Variants in ARHGAP32 observed in about 807,000 individuals in gnomAD.
ARHGAP32 encodes the protein rho GTPase-activating protein 32.
ARHGAP32 carries 51 observed loss-of-function variants against 186.5 expected under a neutral mutation model. That is an observed-to-expected ratio of 0.27 (90% CI 0.22 to 0.35). ARHGAP32 has a LOEUF of 0.35. Ranked by LOEUF, ARHGAP32 falls within the 10% of genes least tolerant of loss-of-function variation. The probability of loss-of-function intolerance (pLI) is 1.00; values close to 1 mark genes in which losing one functional copy is unlikely to be tolerated. For missense variants in ARHGAP32, 2,186 were observed against 2,623.5 expected, an observed-to-expected ratio of 0.83 and a Z score of 3.64; for synonymous variants, 950 against 964.3, an observed-to-expected ratio of 0.99 and a Z score of 0.27.
At chr11:129,021,489 A>G (rs1314228701) in intron 11 of ARHGAP32, among the ~76,000 whole-genome samples, 1 of 152,100 alleles carries the variant, frequency 6.6e-6, no homozygotes, top group Non-Finnish European at 1.5e-5. Context: ...AACTGTTACA[A>G]CACAGAACCT....
chr11:129,177,340 C>A (rs1857485810), intron 1 of ARHGAP32, among the ~76,000 whole-genome samples: 1 of 152,100 alleles, frequency 6.6e-6, no homozygotes, highest in South Asian at 2.1e-4. Context: ...GGATTCACAG[C>A]CGAATTCTAC....
intron 11 of ARHGAP32, among the ~76,000 whole-genome samples, chr11:129,038,880 C>CCTGT: frequency 7.7e-6 from 1 of 130,172 alleles, no homozygotes; most frequent in East Asian, 2.1e-4. Flanking sequence ...AAAGAAAGAC[C>CCTGT]CTGTCTCGAA....
intron 2 of ARHGAP32, chr11:129,125,832 G>T: frequency 2.4e-6 from 1 of 409,844 alleles, no homozygotes; most frequent in Admixed American, 3.2e-5. Flanking sequence ...CTATTTATAA[G>T]GGTTGGTATT....
chr11:129,003,935 T>C (rs1937633332), intron 11 of ARHGAP32, among the ~76,000 whole-genome samples: 1 of 152,152 alleles, frequency 6.6e-6, no homozygotes, highest in Non-Finnish European at 1.5e-5. Context: ...GGTTTATTCT[T>C]GCTTTTCTAA....
rs1181279218 is a variant in ARHGAP32, at chr11:128,966,754, T to G, written c.*2153A>C. ...TCAGTTACTTAAAGCCGTGTGTATC[T>G]CCTGGTCACAGCAGCCCCTCTTCCT... On this transcript the variant is annotated 3_prime_UTR_variant, in exon 23 of 23. Transcript: ENST00000682385. 1 of 152,224 alleles carries G rather than the reference T, an allele frequency of 6.6e-6. No individual in the cohort carries two copies. The highest frequency in any genetic ancestry group is 1.5e-5 in the Non-Finnish European group (1 of 68,042). 9.4% of individuals were successfully genotyped at this position (152,224 alleles called of 1,614,324 possible). A position where few individuals can be genotyped will look rare whatever the true frequency, so the allele number is the denominator to read the frequency against.
intron 11 of ARHGAP32, among the ~76,000 whole-genome samples, chr11:129,024,841 A>T (rs1938762346): frequency 6.6e-6 from 1 of 152,174 alleles, no homozygotes; most frequent in South Asian, 2.1e-4. Context: ...TCAAACTGAC[A>T]ATCAATCTCA....
chr11:129,046,471 T>C (rs1939810942), intron 10 of ARHGAP32, among the ~76,000 whole-genome samples: 1 of 152,184 alleles, frequency 6.6e-6, no homozygotes, highest in African/African-American at 2.4e-5. Flanking sequence ...CTTCTGATAA[T>C]CAGTTTCTAG....
rs1276530871 is a variant in ARHGAP32 at position 128,969,431 on chromosome 11, T to C, written c.5782A>G (p.Thr1928Ala). 6.2e-7 allele frequency: 1 copy of C among 1,614,084 alleles called. No homozygotes were observed. Among genetic ancestry groups the C allele is most frequent in the Non-Finnish European group, 8.5e-7 (1 of 1,180,036 alleles). Residue 1928 changes from threonine (T) to alanine (A), a missense_variant, in exon 23 of 23, where the codon ACT becomes GCT. Transcript: ENST00000682385. This position sits in a 1 kb window ranked among gnomAD's most constrained non-coding sequence, Gnocchi z 4.8. ...TTGTGGTAGCTGACTGGCTCAGAAG[T>C]GTCTGGAATCCCTTTGGACCCATAA... ...LDYGSKGIPDTSEPVSYHNSG... is the reference protein window; with the variant it reads ...LDYGSKGIPDASEPVSYHNSG...
intron 11 of ARHGAP32, among the ~76,000 whole-genome samples, chr11:129,003,042 C>T (rs544185868): frequency 4.7e-4 from 72 of 152,150 alleles, no homozygotes; most frequent in African/African-American, 1.6e-3. Flanking sequence ...GTGATCTGCC[C>T]GCCTCGGCCT....
intron 6 of ARHGAP32, 22 bp downstream of exon 6, chr11:129,093,599 G>A: frequency 6.5e-7 from 1 of 1,527,316 alleles, no homozygotes; most frequent in Non-Finnish European, 9.0e-7. Context: ...ATATGAAATG[G>A]AGAATACATT....
chr11:129,013,568 T>C (rs1565375432), intron 11 of ARHGAP32, among the ~76,000 whole-genome samples: 1 of 152,220 alleles, frequency 6.6e-6, no homozygotes, highest in Non-Finnish European at 1.5e-5. Flanking sequence ...TAAGAAGTTC[T>C]GGCATACATA....
rs1459235475 is a variant in ARHGAP32, at chr11:129,164,394, A to G, written c.150T>C (p.Asp50=). ...KMKSSVHSEE[D]DFVPELHRNV... Reference sequence around the variant, plus strand: ...TTCTATGTAGCTCTGGAACAAAATCATCTTCTTCAGAATGTACTGAGGACT... The same window carrying G: ...TTCTATGTAGCTCTGGAACAAAATCGTCTTCTTCAGAATGTACTGAGGACT... The change falls in exon 2 of 23, where the codon GAT becomes GAC. Residue 50 remains aspartate, a synonymous_variant. Transcript: ENST00000682385. 6.4e-7 allele frequency: 1 copy of G among 1,573,608 alleles called. No homozygotes were observed. Among genetic ancestry groups the G allele is most frequent in the South Asian group, 1.2e-5 (1 of 85,446 alleles).
intron 1 of ARHGAP32, among the ~76,000 whole-genome samples, chr11:129,278,000 CTGATTCAAACT>C (rs1164319657): frequency 1.3e-5 from 2 of 152,214 alleles, no homozygotes; most frequent in African/African-American, 4.8e-5. Context: ...AATCCAGTCA[CTGATTCAAACT>C]AGCAAACTGT....
In ARHGAP32 at chr11:128,971,039, C is replaced by A. The variant is rs147785335; in HGVS notation, c.4174G>T (p.Val1392Phe). ...ACTTTCTCAGGCAGGCCTGGCTGGA[C>A]AGCTGTAGCCATGGGACACTGAGCA... ...AAAQCPMATAVQPGLPEKVRD... is the reference protein window; with the variant it reads ...AAAQCPMATAFQPGLPEKVRD... Residue 1392 changes from valine (V) to phenylalanine (F), a missense_variant, in exon 23 of 23, where the codon GTC becomes TTC. Physicochemically the swap from Val to Phe is conservative, Grantham distance 50. This residue lies in a region of ARHGAP32 where 1,502 missense variants were observed against 1,570.0 expected (regional missense o/e 0.96). Transcript: ENST00000682385. 2 of 1,613,972 alleles carry A rather than the reference C, an allele frequency of 1.2e-6. No individual in the cohort carries two copies. Among genetic ancestry groups the A allele is most frequent in the Non-Finnish European group, 1.7e-6 (2 of 1,180,050 alleles).
intron 2 of ARHGAP32, among the ~76,000 whole-genome samples, chr11:129,153,274 G>A (rs1193671037): frequency 6.6e-6 from 1 of 152,052 alleles, no homozygotes; most frequent in East Asian, 1.9e-4. Context: ...GTTCGTGGAT[G>A]GGTAGAATCA....
intron 2 of ARHGAP32, among the ~76,000 whole-genome samples, chr11:129,131,617 G>C (rs995708398): frequency 6.6e-6 from 1 of 151,952 alleles, no homozygotes; most frequent in South Asian, 2.1e-4. Flanking sequence ...TCACTATGAC[G>C]AAAACGGCAA....
intron 5 of ARHGAP32, among the ~76,000 whole-genome samples, chr11:129,096,308 GA>G (rs1941726457): frequency 6.6e-6 from 1 of 152,286 alleles, no homozygotes; most frequent in South Asian, 2.1e-4. Context: ...AAGCACACGA[GA>G]AAGAGAAGAT....
At chr11:129,235,386 C>T (rs1328316942) in intron 1 of ARHGAP32, among the ~76,000 whole-genome samples, 1 of 152,196 alleles carries the variant, frequency 6.6e-6, no homozygotes, top group Non-Finnish European at 1.5e-5. Context: ...CTTGCCTGAG[C>T]TCCTACCCTT....
chr11:129,105,475 T>C (rs779684869), intron 5 of ARHGAP32, among the ~76,000 whole-genome samples: 1 of 152,188 alleles, frequency 6.6e-6, no homozygotes, highest in Non-Finnish European at 1.5e-5. Context: ...AGTGGCTTTT[T>C]CATTGATTTT....
Sources: allele counts gnomAD v4.1 joint callset (sites outside exome capture counted in the v4.1 genomes callset), GRCh38; gene constraint gnomAD v4.1.1; regional missense constraint gnomAD v4.1.1; non-coding constraint Gnocchi (gnomAD v3.1); transcripts MANE v1.5; gene names NCBI Gene and HGNC (gene_info 2026-07-23, HGNC 2026-07-21).